The following GRID2 variants were observed in gnomAD, a reference collection of about 807,000 sequenced individuals.
The protein encoded by GRID2 is glutamate receptor ionotropic, delta-2.
A neutral mutation model predicts 114.8 loss-of-function variants in GRID2; 33 were observed. That is an observed-to-expected ratio of 0.29 (90% CI 0.22 to 0.38). GRID2 has a LOEUF of 0.38. Ranked by LOEUF, GRID2 falls within the 10% of genes least tolerant of loss-of-function variation. The pLI, the probability that GRID2 is intolerant of heterozygous loss-of-function variation, is 1.00. For missense variants in GRID2, 1,184 were observed against 1,257.7 expected (o/e 0.94, Z 0.89); for synonymous variants, 505 against 449.9 (o/e 1.12, Z -1.55).
At chr4:92,430,598 T>C (rs548595649) in intron 1 of GRID2, among the ~76,000 whole-genome samples, 32 of 152,274 alleles carry the variant, frequency 2.1e-4, no homozygotes, top group African/African-American at 7.5e-4. Context: ...CTGTGTCTTG[T>C]GATTCTCTAT....
intron 2 of GRID2, among the ~76,000 whole-genome samples, chr4:92,754,549 C>T (rs946069554): frequency 6.6e-6 from 1 of 152,102 alleles, no homozygotes; most frequent in Non-Finnish European, 1.5e-5. Context: ...ACCGATCTCA[C>T]CGTGGTGTTG....
intron 8 of GRID2, among the ~76,000 whole-genome samples, chr4:93,337,783 G>A (rs1350518566): frequency 2.0e-5 from 3 of 152,116 alleles, no homozygotes; most frequent in Non-Finnish European, 4.4e-5. Flanking sequence ...AAATTTAAAC[G>A]TTTGCTTTAC....
chr4:92,598,591 T>G (rs971036246), intron 2 of GRID2, among the ~76,000 whole-genome samples: 1 of 152,142 alleles, frequency 6.6e-6, no homozygotes, highest in Admixed American at 6.6e-5. Flanking sequence ...TTATTTTATG[T>G]ATGAATTCTG....
At chr4:93,252,807 G>C (rs1214975463) in intron 8 of GRID2, among the ~76,000 whole-genome samples, 1 of 151,852 alleles carries the variant, frequency 6.6e-6, no homozygotes, top group African/African-American at 2.4e-5. Flanking sequence ...GTATTCCTAG[G>C]TATTTTATTC....
intron 13 of GRID2, among the ~76,000 whole-genome samples, chr4:93,564,448 CT>C (rs1360621740): frequency 6.6e-6 from 1 of 151,984 alleles, no homozygotes; most frequent in Non-Finnish European, 1.5e-5. Flanking sequence ...ACTGAGTGCA[CT>C]TTCCAGTAGT....
intron 4 of GRID2, among the ~76,000 whole-genome samples, chr4:93,197,085 A>G (rs1741571765): frequency 6.6e-6 from 1 of 152,158 alleles, no homozygotes; most frequent in Non-Finnish European, 1.5e-5. Flanking sequence ...AAAGTCTTCT[A>G]TGGTTTAGTC....
intron 14 of GRID2, among the ~76,000 whole-genome samples, chr4:93,672,707 A>G (rs1458787838): frequency 6.6e-6 from 1 of 152,200 alleles, no homozygotes; most frequent in East Asian, 1.9e-4. Flanking sequence ...CCATTTCTTC[A>G]TGATTATGCC....
intron 13 of GRID2, among the ~76,000 whole-genome samples, chr4:93,552,700 G>A (rs1578244346): frequency 6.6e-6 from 1 of 152,008 alleles, no homozygotes; most frequent in Non-Finnish European, 1.5e-5. Context: ...TTGTTACATA[G>A]GTATACATGT....
At chr4:93,371,622 T>C (rs1762920269) in intron 8 of GRID2, among the ~76,000 whole-genome samples, 1 of 152,020 alleles carries the variant, frequency 6.6e-6, no homozygotes, top group Non-Finnish European at 1.5e-5. Context: ...TGCAAAATAA[T>C]GTTACAATTC....
At chr4:93,274,015 A>C (rs972829502) in intron 8 of GRID2, among the ~76,000 whole-genome samples, 1 of 151,016 alleles carries the variant, frequency 6.6e-6, no homozygotes, top group Non-Finnish European at 1.5e-5. Flanking sequence ...ATGCAAATTA[A>C]GATCTTTATG....
intron 1 of GRID2, among the ~76,000 whole-genome samples, chr4:92,477,941 A>C (rs1337490406): frequency 1.3e-5 from 2 of 151,060 alleles, no homozygotes; most frequent in African/African-American, 4.9e-5. Flanking sequence ...GGTACTATAC[A>C]AGAGTTACAT....
At chr4:93,565,992 A>C (rs959156224) in intron 13 of GRID2, among the ~76,000 whole-genome samples, 1 of 152,192 alleles carries the variant, frequency 6.6e-6, no homozygotes, top group African/African-American at 2.4e-5. Context: ...CTGAAAGTTC[A>C]ATGCAGTGGT....
Position 92,489,752 on chromosome 4 carries a change from A to G in GRID2, c.89-100379A>G, listed in dbSNP as rs567539209. Among the ~76,000 whole-genome samples, 3 of 152,112 alleles carry G rather than the reference A, an allele frequency of 2.0e-5. No individual in the cohort carries two copies. In the East Asian group the frequency reaches 5.8e-4, roughly 29 times the overall value. ...TCCCAGCTACTCAGGCGGCTGAGGC[A>G]GGAGAATCACATGAACCTGGGAGCT... On this transcript the variant is annotated intron_variant, in intron 1 of 15. Coordinates refer to ENST00000282020, the MANE Select transcript of GRID2 (RefSeq NM_001510.4).
intron 2 of GRID2, among the ~76,000 whole-genome samples, chr4:92,833,132 A>G (rs1742231824): frequency 6.6e-6 from 1 of 152,180 alleles, no homozygotes; most frequent in Non-Finnish European, 1.5e-5. Flanking sequence ...AGCCACAGCA[A>G]TGCAGGATAA....
chr4:93,476,762 A>T (rs1725359038), intron 11 of GRID2, among the ~76,000 whole-genome samples: 1 of 152,136 alleles, frequency 6.6e-6, no homozygotes, highest in Non-Finnish European at 1.5e-5. Context: ...TCTGGGAGTC[A>T]ATAAGTGTTT....
chr4:93,227,191 T>C (rs567622654), intron 7 of GRID2, among the ~76,000 whole-genome samples: 4 of 152,252 alleles, frequency 2.6e-5, no homozygotes, highest in African/African-American at 9.6e-5. Context: ...TTAATATCTT[T>C]AGCAAATAGT....
intron 7 of GRID2, among the ~76,000 whole-genome samples, chr4:93,227,077 C>T (rs778499272): frequency 3.0e-4 from 46 of 152,092 alleles, no homozygotes; most frequent in Non-Finnish European, 5.4e-4. Context: ...TTTTGCCTTC[C>T]GAGAGACTGT....
chr4:93,656,891 T>C (rs1289512220), intron 14 of GRID2, among the ~76,000 whole-genome samples: 3 of 150,820 alleles, frequency 2.0e-5, no homozygotes, highest in Admixed American at 2.0e-4. Flanking sequence ...AATTGAATTT[T>C]CCATAAGAGG....
intron 8 of GRID2, among the ~76,000 whole-genome samples, chr4:93,240,750 A>G (rs183137153): frequency 4.0e-5 from 6 of 150,824 alleles, no homozygotes; most frequent in Admixed American, 2.0e-4. Flanking sequence ...TCTTTTATCT[A>G]TCTAGAAGTT....
Sources: allele counts gnomAD v4.1 joint callset (sites outside exome capture counted in the v4.1 genomes callset), GRCh38; gene constraint gnomAD v4.1.1; transcripts MANE v1.5; gene names NCBI Gene and HGNC (gene_info 2026-07-23, HGNC 2026-07-21).